B3GLCT: variants seen among roughly 807,000 people sequenced by gnomAD.
B3GLCT encodes the protein beta-1,3-glucosyltransferase.
B3GLCT carries 65 observed loss-of-function variants against 63.4 expected under a neutral mutation model. That is an observed-to-expected ratio of 1.03 (90% CI 0.84 to 1.26). The LOEUF (loss-of-function observed/expected upper bound fraction) is 1.26, where lower values mean the gene tolerates loss of function less well. Ranked by LOEUF, B3GLCT falls within the 50% of genes most tolerant of loss-of-function variation. The pLI, the probability that B3GLCT is intolerant of heterozygous loss-of-function variation, is 0.00. For synonymous variants in B3GLCT, 233 were observed against 219.2 expected (o/e 1.06, Z -0.55); for missense variants, 577 against 604.8 (o/e 0.95, Z 0.48).
rs1280019264 is a variant in B3GLCT at position 31,274,728 on chromosome 13, G to A, written c.780+100G>A. 5.5e-5 allele frequency: 80 copies of A among 1,449,220 alleles called. 1 individual carries two copies. The highest frequency in any genetic ancestry group is 3.7e-4 in the South Asian group (32 of 86,670). The allele number at this position is 1,449,220 out of a possible 1,614,324, so 89.8% of individuals were successfully genotyped here. The stretch of plus-strand genomic sequence containing the variant: ...CTTTAAAATGAATTTTAAATTCAGG[G>A]CATTCATGTGCAAGTTGGTTATAAG... On this transcript the variant is annotated intron_variant, in intron 9 of 14. Coordinates refer to ENST00000343307, the MANE Select transcript of B3GLCT (RefSeq NM_194318.4).
intron 12 of B3GLCT, among the ~76,000 whole-genome samples, chr13:31,315,376 C>T (rs928196652): frequency 2.0e-5 from 3 of 152,168 alleles, no homozygotes; most frequent in African/African-American, 7.2e-5. Context: ...GAGCAAAGGT[C>T]ACTCTTGCTG....
At chr13:31,278,848 T>C (rs1872920660) in intron 10 of B3GLCT, among the ~76,000 whole-genome samples, 2 of 152,258 alleles carry the variant, frequency 1.3e-5, no homozygotes, top group Admixed American at 6.5e-5. Context: ...TAGTTTCATG[T>C]TGACACTTCC....
chr13:31,253,894 A>G (rs201853378), intron 6 of B3GLCT, among the ~76,000 whole-genome samples: 2 of 152,208 alleles, frequency 1.3e-5, no homozygotes, highest in African/African-American at 4.8e-5. Flanking sequence ...CTATCAGAGA[A>G]TACTATAAAC....
At chr13:31,200,379 C>T (rs1318708320) in intron 1 of B3GLCT, among the ~76,000 whole-genome samples, 1 of 149,622 alleles carries the variant, frequency 6.7e-6, no homozygotes, top group Non-Finnish European at 1.5e-5. Context: ...CCCGCTCGGC[C>T]CCTTTCGGTC....
At chr13:31,227,658 A>G (rs1442956725) in intron 3 of B3GLCT, among the ~76,000 whole-genome samples, 1 of 152,208 alleles carries the variant, frequency 6.6e-6, no homozygotes, top group Non-Finnish European at 1.5e-5. Flanking sequence ...AGCATTTTAG[A>G]TTATTTTTAG....
intron 3 of B3GLCT, among the ~76,000 whole-genome samples, chr13:31,224,674 A>G (rs1185112150): frequency 6.6e-6 from 1 of 152,022 alleles, no homozygotes; most frequent in Non-Finnish European, 1.5e-5. Flanking sequence ...TCACTAGTAT[A>G]TGATTATTCT....
chr13:31,224,088 C>A (rs904079776), intron 3 of B3GLCT, among the ~76,000 whole-genome samples: 2 of 152,154 alleles, frequency 1.3e-5, no homozygotes, highest in Non-Finnish European at 2.9e-5. Context: ...ACCCCCGCCC[C>A]CGGGTGGAAG....
chr13:31,317,441 TTCTTC>T, intron 12 of B3GLCT, 120 bp from the exon 13 acceptor site: 2 of 1,159,602 alleles, frequency 1.7e-6, no homozygotes, highest in Non-Finnish European at 1.3e-6. Flanking sequence ...TCACTCAAAT[TTCTTC>T]TCTTAACTAT....
At chr13:31,235,303 C>G (rs1195711293) in intron 4 of B3GLCT, among the ~76,000 whole-genome samples, 1 of 151,996 alleles carries the variant, frequency 6.6e-6, no homozygotes, top group Non-Finnish European at 1.5e-5. Context: ...GTTTTACGCT[C>G]AGGAGAAAGA....
At chr13:31,203,729 G>C (rs981451998) in intron 1 of B3GLCT, among the ~76,000 whole-genome samples, 1 of 152,128 alleles carries the variant, frequency 6.6e-6, no homozygotes, top group African/African-American at 2.4e-5. Context: ...CAATATATGG[G>C]AGTCCCCATA....
At chr13:31,257,926 C>A (rs1871820978) in intron 6 of B3GLCT, among the ~76,000 whole-genome samples, 1 of 152,130 alleles carries the variant, frequency 6.6e-6, no homozygotes, top group Non-Finnish European at 1.5e-5. Context: ...GACAACATCC[C>A]TGCCCACAAG....
intron 2 of B3GLCT, among the ~76,000 whole-genome samples, chr13:31,221,936 T>C (rs1869829200): frequency 6.6e-6 from 1 of 152,236 alleles, no homozygotes; most frequent in Non-Finnish European, 1.5e-5. Context: ...CTGCTGACAC[T>C]TTGCACTTTG....
chr13:31,252,559 G>T (rs557985615), intron 6 of B3GLCT, among the ~76,000 whole-genome samples: 3 of 152,078 alleles, frequency 2.0e-5, no homozygotes, highest in Non-Finnish European at 2.9e-5. Flanking sequence ...AAAAGCGGGG[G>T]TTGCAATCCT....
At chr13:31,300,688 G>A (rs576633593) in intron 12 of B3GLCT, among the ~76,000 whole-genome samples, 142 of 152,080 alleles carry the variant, frequency 9.3e-4, no homozygotes, top group Non-Finnish European at 1.8e-3. Context: ...GGTTCAGTTG[G>A]TTACCAGAAG....
intron 2 of B3GLCT, 145 bp downstream of exon 2, chr13:31,215,245 C>A: frequency 1.2e-6 from 1 of 850,012 alleles, no homozygotes; most frequent in South Asian, 1.5e-5. Context: ...GATTTTGAAT[C>A]CCTAATGCAA....
intron 1 of B3GLCT, among the ~76,000 whole-genome samples, chr13:31,202,652 C>T (rs1042614692): frequency 3.4e-4 from 51 of 152,198 alleles, no homozygotes; most frequent in African/African-American, 1.2e-3. Flanking sequence ...AGCTAGTGCT[C>T]TACAGAGATA....
At chr13:31,254,277 C>T (rs1020481707) in intron 6 of B3GLCT, among the ~76,000 whole-genome samples, 1 of 152,308 alleles carries the variant, frequency 6.6e-6, no homozygotes, top group Middle Eastern at 3.4e-3. Context: ...TGCGAAGATC[C>T]TCAATGCTGG....
At chr13:31,255,228 G>A (rs556448504) in intron 6 of B3GLCT, among the ~76,000 whole-genome samples, 2 of 152,062 alleles carry the variant, frequency 1.3e-5, no homozygotes, top group East Asian at 1.9e-4. Context: ...AAAATACATA[G>A]GAATACAACT....
chr13:31,273,878 T>C (rs1354041060), intron 8 of B3GLCT, among the ~76,000 whole-genome samples: 1 of 152,212 alleles, frequency 6.6e-6, no homozygotes, highest in African/African-American at 2.4e-5. Context: ...TTTAGACCCA[T>C]GGTCCTAGCT....
Sources: gnomAD v4.1 joint callset for allele counts (sites outside exome capture counted in the v4.1 genomes callset) on GRCh38, gnomAD v4.1.1 for gene constraint, MANE v1.5 for transcripts, NCBI Gene and HGNC (gene_info 2026-07-23, HGNC 2026-07-21) for gene names.